Variants in MARCHF1 observed in about 807,000 individuals in gnomAD.
The protein encoded by MARCHF1 is membrane associated ring-CH-type finger 1, also known as E3 ubiquitin-protein ligase MARCHF1.
MARCHF1 carries 40 observed loss-of-function variants against 54.2 expected under a neutral mutation model. That is an observed-to-expected ratio of 0.74 (90% CI 0.57 to 0.96). The LOEUF is 0.96. Among genes scored for constraint, MARCHF1 ranks in the 40% least tolerant of loss-of-function variants. The pLI is 0.00. For missense variants in MARCHF1, 586 were observed against 656.5 expected, an observed-to-expected ratio of 0.89 and a Z score of 1.17; for synonymous variants, 236 against 236.3, an observed-to-expected ratio of 1.00 and a Z score of 0.01.
At chr4:164,115,683 G>A (rs1755925358) in intron 1 of MARCHF1, among the ~76,000 whole-genome samples, 1 of 152,046 alleles carries the variant, frequency 6.6e-6, no homozygotes, top group Non-Finnish European at 1.5e-5. Flanking sequence ...ACAGCTTATG[G>A]TGTAAGTTTG....
At chr4:163,575,189 CTTA>C (rs1739995430) in intron 8 of MARCHF1, among the ~76,000 whole-genome samples, 1 of 151,788 alleles carries the variant, frequency 6.6e-6, no homozygotes, top group African/African-American at 2.4e-5. Context: ...GTAGATGGCT[CTTA>C]TTATTTTGAG....
intron 1 of MARCHF1, among the ~76,000 whole-genome samples, chr4:164,177,171 G>A (rs2111000386): frequency 6.6e-6 from 1 of 151,520 alleles, no homozygotes; most frequent in East Asian, 1.9e-4. Flanking sequence ...GTTCTTTTGT[G>A]CTGTACCTCT....
At position 164,283,944 on chromosome 4, in the gene MARCHF1, G is replaced by A. The variant is rs757613902; in HGVS notation, c.-323+99926C>T. On this transcript the variant is annotated intron_variant, in intron 1 of 9. Coordinates refer to ENST00000514618, the MANE Select transcript of MARCHF1 (RefSeq NM_001394959.1). ...CATCAATAAGCACTTTCAGTTCAAAGAGAATTATTAAATGTCAAATGGTAC... is the reference window on the plus strand; with the variant it reads ...CATCAATAAGCACTTTCAGTTCAAAAAGAATTATTAAATGTCAAATGGTAC... Among the ~76,000 whole-genome samples, 18 of 150,916 alleles carry A rather than the reference G, an allele frequency of 1.2e-4. 1 individual carries two copies. The highest frequency in any genetic ancestry group is 2.5e-4 in the Non-Finnish European group (17 of 67,972).
At chr4:163,748,467 A>G (rs933045583) in intron 4 of MARCHF1, among the ~76,000 whole-genome samples, 3 of 152,128 alleles carry the variant, frequency 2.0e-5, no homozygotes, top group Admixed American at 2.0e-4. Context: ...TTGCATTGAA[A>G]CTACAGTCAT....
chr4:163,762,765 A>C (rs1746864045), intron 4 of MARCHF1, among the ~76,000 whole-genome samples: 1 of 152,090 alleles, frequency 6.6e-6, no homozygotes. Context: ...ACTGTTTTAA[A>C]GTTAAGTTTC....
chr4:164,198,721 G>A (rs1731355171), intron 1 of MARCHF1, among the ~76,000 whole-genome samples: 1 of 152,154 alleles, frequency 6.6e-6, no homozygotes, highest in African/African-American at 2.4e-5. Context: ...GAAGCCTTGA[G>A]TGAATAACAT....
chr4:163,774,502 C>CTTTTT (rs369862555), intron 4 of MARCHF1, among the ~76,000 whole-genome samples: 27 of 137,858 alleles, frequency 2.0e-4, no homozygotes, highest in South Asian at 4.6e-4. Context: ...AAGTGTTAGG[C>CTTTTT]TTTTTTTTTT....
chr4:163,909,019 A>C (rs1161208638), intron 3 of MARCHF1, among the ~76,000 whole-genome samples: 1 of 152,202 alleles, frequency 6.6e-6, no homozygotes, highest in African/African-American at 2.4e-5. Flanking sequence ...CATTAGGAAA[A>C]GAAAATCAAT....
intron 3 of MARCHF1, among the ~76,000 whole-genome samples, chr4:163,959,353 AC>A (rs1055640871): frequency 1.3e-5 from 2 of 151,756 alleles, no homozygotes; most frequent in African/African-American, 4.8e-5. Context: ...CAACAAAAAA[AC>A]AAAAAACACA....
chr4:163,683,150 C>T (rs1744159546), intron 5 of MARCHF1, among the ~76,000 whole-genome samples: 1 of 152,072 alleles, frequency 6.6e-6, no homozygotes, highest in Admixed American at 6.6e-5. Context: ...TTTCACACTG[C>T]TGATAAAGAC....
At chr4:163,855,304 A>G (rs554446522) in intron 3 of MARCHF1, among the ~76,000 whole-genome samples, 1 of 152,298 alleles carries the variant, frequency 6.6e-6, no homozygotes, top group South Asian at 2.1e-4. Context: ...GACTCATTCA[A>G]TTGAGGTACA....
At chr4:163,625,683 TA>T (rs1741846477) in intron 5 of MARCHF1, among the ~76,000 whole-genome samples, 2 of 152,234 alleles carry the variant, frequency 1.3e-5, no homozygotes, top group Non-Finnish European at 1.5e-5. Flanking sequence ...AAGTTTTATG[TA>T]AGTCATGAGG....
At chr4:163,899,914 G>A (rs1026851197) in intron 3 of MARCHF1, among the ~76,000 whole-genome samples, 1 of 149,898 alleles carries the variant, frequency 6.7e-6, no homozygotes, top group African/African-American at 2.5e-5. Flanking sequence ...CACACATGTT[G>A]CCAAGTTAGG....
At chr4:164,011,825 T>C (rs1753426920) in intron 2 of MARCHF1, among the ~76,000 whole-genome samples, 1 of 151,844 alleles carries the variant, frequency 6.6e-6, no homozygotes, top group Non-Finnish European at 1.5e-5. Context: ...TTGAAGAGAG[T>C]AGGTAAGACA....
intron 5 of MARCHF1, among the ~76,000 whole-genome samples, chr4:163,694,405 T>C (rs938996818): frequency 3.3e-5 from 5 of 152,294 alleles, no homozygotes; most frequent in Admixed American, 2.6e-4. Context: ...TGGGAGTTTT[T>C]CTCACCCTGA....
intron 5 of MARCHF1, among the ~76,000 whole-genome samples, chr4:163,669,650 G>C (rs1743661876): frequency 6.6e-6 from 1 of 150,548 alleles, no homozygotes; most frequent in African/African-American, 2.4e-5. Context: ...CCAGGCTGGA[G>C]TGCAATGGCA....
intron 2 of MARCHF1, among the ~76,000 whole-genome samples, chr4:163,992,539 TTTC>T (rs1221804620): frequency 1.3e-5 from 2 of 151,880 alleles, no homozygotes; most frequent in African/African-American, 4.8e-5. Context: ...GATTAAATCA[TTTC>T]AAGGCGTAGA....
intron 1 of MARCHF1, among the ~76,000 whole-genome samples, chr4:164,294,070 A>G (rs1321282871): frequency 2.0e-5 from 3 of 152,244 alleles, no homozygotes; most frequent in Non-Finnish European, 4.4e-5. Context: ...TTTCTCCTAC[A>G]CTGTATACTT....
At chr4:163,709,339 G>A (rs1332321484) in intron 4 of MARCHF1, among the ~76,000 whole-genome samples, 1 of 152,148 alleles carries the variant, frequency 6.6e-6, no homozygotes, top group African/African-American at 2.4e-5. Flanking sequence ...ACTTTGGGAG[G>A]CCAAGATGGG....
Sources: gnomAD v4.1 joint callset for allele counts (sites outside exome capture counted in the v4.1 genomes callset) on GRCh38, gnomAD v4.1.1 for gene constraint, MANE v1.5 for transcripts, NCBI Gene and HGNC (gene_info 2026-07-23, HGNC 2026-07-21) for gene names.